Variants in MYPN observed in about 807,000 individuals in gnomAD.
MYPN encodes myopalladin.
Under a neutral mutation model 129.4 loss-of-function variants are expected in MYPN, and 63 were observed. The observed-to-expected ratio is 0.49, with a 90% CI of 0.40 to 0.60. The LOEUF is 0.60. Among genes scored for constraint, MYPN ranks in the 20% least tolerant of loss-of-function variants. The pLI, the probability that MYPN is intolerant of heterozygous loss-of-function variation, is 0.00. For missense variants in MYPN, 1,596 were observed against 1,635.4 expected, an observed-to-expected ratio of 0.98 and a Z score of 0.42; for synonymous variants, 629 against 600.9, an observed-to-expected ratio of 1.05 and a Z score of -0.68.
chr10:68,095,853 C>A (rs2041954277), intron 1 of MYPN, among the ~76,000 whole-genome samples: 1 of 151,964 alleles, frequency 6.6e-6, no homozygotes, highest in Non-Finnish European at 1.5e-5. Flanking sequence ...AATGGCTGTA[C>A]AACAATGTGA....
At chr10:68,114,183 T>C (rs1288610904) in intron 1 of MYPN, 1 of 152,166 alleles carries the variant, frequency 6.6e-6, no homozygotes, top group African/African-American at 2.4e-5. Context: ...AGCTTAAATT[T>C]TCATATTATA....
At chr10:68,110,350 C>T (rs1044586807) in intron 1 of MYPN, among the ~76,000 whole-genome samples, 1 of 152,086 alleles carries the variant, frequency 6.6e-6, no homozygotes, top group Admixed American at 6.6e-5. Context: ...TGGCCTGGTA[C>T]ATTGCACTAT....
At chr10:68,112,999 C>G (rs151042527) in intron 1 of MYPN, among the ~76,000 whole-genome samples, 2 of 152,284 alleles carry the variant, frequency 1.3e-5, no homozygotes, top group East Asian at 3.9e-4. Flanking sequence ...TTAGATACTT[C>G]TCTAGGGTGA....
chr10:68,211,439 G>A lies in MYPN; in HGVS notation c.*984G>A, dbSNP rs1215413877. ...AGTGTTGTTTTTGTCACTTGCCCCA[G>A]CAGAGCAGGGGTTTTGGAAGGAGAG... On this transcript the variant is annotated 3_prime_UTR_variant, in exon 20 of 20. Coordinates refer to ENST00000358913, the MANE Select transcript of MYPN (RefSeq NM_032578.4). 6.6e-6 allele frequency: 3 copies of A among 453,960 alleles called. No homozygotes were observed. Among genetic ancestry groups the A allele is most frequent in the Non-Finnish European group, 1.3e-5 (3 of 226,804 alleles). The allele number at this position is 453,960 out of a possible 1,614,324, so 28.1% of individuals were successfully genotyped here. A position where few individuals can be genotyped will look rare whatever the true frequency, so the allele number is the denominator to read the frequency against.
At chr10:68,146,247 T>C (rs917299220) in intron 4 of MYPN, among the ~76,000 whole-genome samples, 1 of 152,200 alleles carries the variant, frequency 6.6e-6, no homozygotes, top group African/African-American at 2.4e-5. Flanking sequence ...ACCCAAATCA[T>C]GTATAGTTCC....
At chr10:68,125,692 A>T (rs1291287439) in intron 2 of MYPN, among the ~76,000 whole-genome samples, 1 of 152,236 alleles carries the variant, frequency 6.6e-6, no homozygotes, top group Non-Finnish European at 1.5e-5. Context: ...GGACTAGAAA[A>T]GTCAAAGAAG....
intron 2 of MYPN, chr10:68,136,327 T>C: frequency 1.0e-6 from 1 of 958,496 alleles, no homozygotes. Context: ...CTCATTTCTA[T>C]TGAGCCATGA....
chr10:68,174,226 G>C lies in MYPN; in HGVS notation c.2134G>C (p.Ala712Pro), dbSNP rs876657921. The C allele has an allele frequency of 5.0e-6, 8 of 1,613,850 alleles. No homozygotes were observed. The highest frequency in any genetic ancestry group is 2.2e-5 in the South Asian group (2 of 91,072). ...AVTTSSKQVK[A>P]PSSQTFSLAR... ...GACAACATCCAGTAAGCAGGTGAAG[G>C]CTCCTTCATCACAGACGTTCAGCTT... Residue 712 changes from alanine to proline, a missense_variant, in exon 11 of 20, where the codon GCT becomes CCT. Ala to Pro is a conservative substitution (Grantham distance 27). Transcript: ENST00000358913.
chr10:68,108,450 T>C (rs1296611980), upstream of MYPN, among the ~76,000 whole-genome samples: 1 of 152,198 alleles, frequency 6.6e-6, no homozygotes, highest in African/African-American at 2.4e-5. Context: ...TGGTACACAG[T>C]AGGCATTACG....
chr10:68,171,295 A>G (rs1011989547), intron 10 of MYPN, among the ~76,000 whole-genome samples: 2 of 152,204 alleles, frequency 1.3e-5, no homozygotes, highest in African/African-American at 4.8e-5. Context: ...GTCAGAATAT[A>G]CTAGGAAAGC....
At position 68,171,654 on chromosome 10, in the gene MYPN, T is replaced by C. The variant is rs139829480; in HGVS notation, c.1974-2412T>C. ...AAAGCAGCAAGGTTCATTTGTCTTT[T>C]ACAGTCTCCAGGTGATTCAAATGTG... On this transcript the variant is annotated intron_variant, in intron 10 of 19. Coordinates refer to ENST00000358913, the MANE Select transcript of MYPN (RefSeq NM_032578.4). Among the ~76,000 whole-genome samples, 346 of 152,350 alleles carry C rather than the reference T, an allele frequency of 2.3e-3. 4 individuals are homozygous for C. The highest frequency in any genetic ancestry group is 8.0e-3 in the African/African-American group (334 of 41,570).
chr10:68,182,469 T>TAC lies in MYPN; in HGVS notation c.2704-6435_2704-6434insCA, dbSNP rs746883010. 5.5e-3 allele frequency among the ~76,000 whole-genome samples: 616 copies of TAC among 111,946 alleles called. 23 individuals are homozygous for TAC. The highest frequency in any genetic ancestry group is 0.02 in the African/African-American group (553 of 28,118). The allele number at this position is 111,946 out of a possible 152,430, so 73.4% of individuals were successfully genotyped here. On this transcript the variant is annotated intron_variant, in intron 12 of 19. Transcript: ENST00000358913. ...ATATATAACATATATATATAACATA[T>TAC]ATACACACACACACACACACACACA...
rs201534383 is a variant in MYPN at position 68,182,428 on chromosome 10, C to CATAT, written c.2704-6476_2704-6475insTATA. Among the ~76,000 whole-genome samples the CATAT allele has an allele frequency of 3.8e-4, 35 of 92,286 alleles. 1 individual carries two copies. The South Asian group carries it at 4.3e-3, about 11-fold the overall frequency. 60.5% of individuals were successfully genotyped at this position (92,286 alleles called of 152,430 possible). On this transcript the variant is annotated intron_variant, in intron 12 of 19. Coordinates refer to ENST00000358913, the MANE Select transcript of MYPN (RefSeq NM_032578.4). ...ACACATATATATAACATATATATAA[C>CATAT]ACATATATATAACATATATATAACA...
rs532261343 is a variant in MYPN, at chr10:68,117,796, T to A, written c.-1-3642T>A. Among the ~76,000 whole-genome samples, 335 of 150,944 alleles carry A rather than the reference T, an allele frequency of 2.2e-3. 2 individuals carry two copies. Among genetic ancestry groups the A allele is most frequent in the African/African-American group, 5.5e-3 (228 of 41,278 alleles). On this transcript the variant is annotated intron_variant, in intron 1 of 19. Coordinates refer to ENST00000358913, the MANE Select transcript of MYPN (RefSeq NM_032578.4). Reference sequence around the variant, plus strand: ...ATAGCTGTTAAATAATAATAATAATTATTATTATTATAGTAATAGTAACTT... The same window carrying A: ...ATAGCTGTTAAATAATAATAATAATAATTATTATTATAGTAATAGTAACTT...
At chr10:68,092,424 G>A (rs901250521) in intron 1 of MYPN, among the ~76,000 whole-genome samples, 5 of 152,034 alleles carry the variant, frequency 3.3e-5, no homozygotes, top group Admixed American at 3.3e-4. Context: ...GAACCTGGGA[G>A]GTGGAGGTTG....
At chr10:68,199,059 T>C (rs1402656868) in intron 16 of MYPN, among the ~76,000 whole-genome samples, 1 of 152,156 alleles carries the variant, frequency 6.6e-6, no homozygotes, top group Non-Finnish European at 1.5e-5. Flanking sequence ...GTATATCATC[T>C]CTGAAATTGA....
upstream of MYPN, chr10:68,106,940 C>T: frequency 1.6e-6 from 1 of 629,426 alleles, no homozygotes; most frequent in Non-Finnish European, 2.8e-6. Flanking sequence ...AGACATGTAA[C>T]CAACCTTGTG....
chr10:68,171,729 T>C, intron 10 of MYPN, among the ~76,000 whole-genome samples: 1 of 152,190 alleles, frequency 6.6e-6, no homozygotes, highest in East Asian at 1.9e-4. Flanking sequence ...TACTCAGAAC[T>C]AGTTTTCCAA....
In MYPN at chr10:68,211,863, C is replaced by T. The variant is rs2134364910; in HGVS notation, c.*1408C>T. The T allele has an allele frequency of 2.2e-6, 1 of 453,058 alleles. No individual in the cohort carries two copies. The highest frequency in any genetic ancestry group is 4.4e-6 in the Non-Finnish European group (1 of 226,056). The allele number at this position is 453,058 out of a possible 1,614,324, so 28.1% of individuals were successfully genotyped here. Reference sequence around the variant, plus strand: ...GAATTGCAGGTGTCTGTTTTCAATTCCCTGTGCTGGAATCCCTGGTGCTGT... The same window carrying T: ...GAATTGCAGGTGTCTGTTTTCAATTTCCTGTGCTGGAATCCCTGGTGCTGT... On this transcript the variant is annotated 3_prime_UTR_variant, in exon 20 of 20. Coordinates refer to ENST00000358913, the MANE Select transcript of MYPN (RefSeq NM_032578.4).
Sources: allele counts gnomAD v4.1 joint callset (sites outside exome capture counted in the v4.1 genomes callset), GRCh38; gene constraint gnomAD v4.1.1; transcripts MANE v1.5; gene names NCBI Gene and HGNC (gene_info 2026-07-23, HGNC 2026-07-21).